Variants in RAPGEF5 observed in about 807,000 individuals in gnomAD.
RAPGEF5 encodes the protein M-Ras-regulated GEF.
A neutral mutation model predicts 125.2 loss-of-function variants in RAPGEF5; 65 were observed. That is an observed-to-expected ratio of 0.52 (90% confidence interval 0.43 to 0.64). RAPGEF5 has a LOEUF of 0.64. Among genes scored for constraint, RAPGEF5 ranks in the 30% least tolerant of loss-of-function variants. The probability of loss-of-function intolerance (pLI) is 0.00; values close to 1 mark genes in which losing one functional copy is unlikely to be tolerated. For synonymous variants in RAPGEF5, 391 were observed against 385.9 expected (o/e 1.01, Z -0.16); for missense variants, 958 against 1,048.1 (o/e 0.91, Z 1.19).
At chr7:22,271,271 T>C (rs1281372397) in intron 6 of RAPGEF5, among the ~76,000 whole-genome samples, 1 of 152,210 alleles carries the variant, frequency 6.6e-6, no homozygotes, top group African/African-American at 2.4e-5. Context: ...CCAAGATTCC[T>C]AGGTGATTCT....
At position 22,142,502 on chromosome 7, in the gene RAPGEF5, G is replaced by A. The variant is rs893248981; in HGVS notation, c.2187-2387C>T. On this transcript the variant is annotated intron_variant, in intron 20 of 25. Coordinates refer to ENST00000665637, the MANE Select transcript of RAPGEF5 (RefSeq NM_012294.5). ...CTGGTCCATATAGCTTTCTTTTTTA[G>A]TCATATTTTAAGGAAAAAAACCCAT... is the stretch of plus-strand genomic sequence containing the variant. Among the ~76,000 whole-genome samples, 10 of 151,376 alleles carry A rather than the reference G, an allele frequency of 6.6e-5. No individual in the cohort carries two copies. In the Middle Eastern group the frequency reaches 0.01, roughly 154 times the overall value.
chr7:22,231,005 GA>G, intron 7 of RAPGEF5, 86 bp from the exon 8 acceptor site: 2 of 1,269,314 alleles, frequency 1.6e-6, no homozygotes, highest in Non-Finnish European at 1.1e-6. Context: ...AATTTAGCGG[GA>G]AAAAATGTTA....
At chr7:22,141,174 AAG>A (rs1228116534) in intron 20 of RAPGEF5, among the ~76,000 whole-genome samples, 1 of 152,222 alleles carries the variant, frequency 6.6e-6, no homozygotes, top group Admixed American at 6.5e-5. Context: ...ATTTTATCAA[AAG>A]AGCATATTAC....
chr7:22,121,263 C>T lies in RAPGEF5; in HGVS notation c.*1143G>A, dbSNP rs1018340016. ...AAAAAAGGCAAATTATAGAAAGGCT[C>T]CCTGCTTTGGCTGGTAGTTGGATTA... On this transcript the variant is annotated 3_prime_UTR_variant, in exon 26 of 26. Transcript: ENST00000665637. 6.0e-5 allele frequency: 9 copies of T among 149,884 alleles called. No homozygotes were observed. The highest frequency in any genetic ancestry group is 2.2e-4 in the African/African-American group (9 of 40,668). The allele number at this position is 149,884 out of a possible 1,614,324, so 9.3% of individuals were successfully genotyped here.
chr7:22,204,880 G>T (rs2128129118), intron 9 of RAPGEF5, among the ~76,000 whole-genome samples: 1 of 152,314 alleles, frequency 6.6e-6, no homozygotes, highest in South Asian at 2.1e-4. Flanking sequence ...CAAAAAACCA[G>T]AAGGTAAAAA....
At chr7:22,303,249 G>C (rs1163214206) in intron 5 of RAPGEF5, among the ~76,000 whole-genome samples, 2 of 152,154 alleles carry the variant, frequency 1.3e-5, no homozygotes, top group Non-Finnish European at 2.9e-5. Context: ...AACTTGATTT[G>C]GCTGTCTGTT....
chr7:22,229,916 T>C (rs1583499808), intron 8 of RAPGEF5, among the ~76,000 whole-genome samples: 1 of 152,226 alleles, frequency 6.6e-6, no homozygotes, highest in Non-Finnish European at 1.5e-5. Context: ...CATCCCTCTG[T>C]ATGTCCTACA....
chr7:22,189,352 A>G (rs560966146), intron 11 of RAPGEF5, among the ~76,000 whole-genome samples: 82 of 152,198 alleles, frequency 5.4e-4, no homozygotes, highest in Non-Finnish European at 1.1e-3. Context: ...AACAGAAATC[A>G]TCGTTCACTA....
At chr7:22,224,791 T>G (rs1370610362) in intron 8 of RAPGEF5, among the ~76,000 whole-genome samples, 1 of 151,888 alleles carries the variant, frequency 6.6e-6, no homozygotes, top group South Asian at 2.1e-4. Context: ...TTGGAGACAG[T>G]CTGTCCTTCT....
chr7:22,342,462 G>T (rs140424198), intron 1 of RAPGEF5, among the ~76,000 whole-genome samples: 1 of 152,178 alleles, frequency 6.6e-6, no homozygotes, highest in African/African-American at 2.4e-5. Context: ...ATTAGGCTCC[G>T]CATTACTTAT....
chr7:22,150,183 G>C (rs1202348086), intron 18 of RAPGEF5, among the ~76,000 whole-genome samples: 2 of 147,398 alleles, frequency 1.4e-5, no homozygotes, highest in African/African-American at 5.0e-5. Flanking sequence ...GGGCTGAAGA[G>C]ATCCTCCCAC....
At position 22,135,984 on chromosome 7, in the gene RAPGEF5, T is replaced by C; in HGVS notation, c.2416+54A>G. 9 of 1,422,356 alleles carry C rather than the reference T, an allele frequency of 6.3e-6. No homozygotes were observed. In the South Asian group the frequency reaches 1.1e-4, roughly 18 times the overall value. 88.1% of individuals were successfully genotyped at this position (1,422,356 alleles called of 1,614,324 possible). On this transcript the variant is annotated intron_variant, in intron 23 of 25. Transcript: ENST00000665637. ...CCTTTTTTGCCCTCAATAGTTACAG[T>C]AATAAATTTCTGAAATATGAAATTA...
intron 6 of RAPGEF5, among the ~76,000 whole-genome samples, chr7:22,289,465 T>C (rs1782879683): frequency 6.6e-6 from 1 of 152,248 alleles, no homozygotes; most frequent in Non-Finnish European, 1.5e-5. Context: ...AGTGCTGTTG[T>C]ACAGTACAGC....
At chr7:22,190,451 C>T (rs1348690296) in intron 11 of RAPGEF5, among the ~76,000 whole-genome samples, 1 of 152,136 alleles carries the variant, frequency 6.6e-6, no homozygotes, top group Non-Finnish European at 1.5e-5. Flanking sequence ...TAGTAGGTTG[C>T]TTTTAAGCAT....
intron 3 of RAPGEF5, among the ~76,000 whole-genome samples, chr7:22,313,807 G>C (rs1446743505): frequency 1.3e-5 from 2 of 152,204 alleles, no homozygotes; most frequent in Admixed American, 6.5e-5. Flanking sequence ...GAAGTCAGAT[G>C]TTTCTAAAGG....
chr7:22,199,428 T>G (rs1164266626), intron 9 of RAPGEF5, among the ~76,000 whole-genome samples: 1 of 148,412 alleles, frequency 6.7e-6, no homozygotes, highest in Admixed American at 6.9e-5. Context: ...GGGCTCCCAG[T>G]ATATAAGCTG....
intron 11 of RAPGEF5, among the ~76,000 whole-genome samples, chr7:22,187,629 C>T (rs571379300): frequency 1.3e-5 from 2 of 152,252 alleles, no homozygotes; most frequent in South Asian, 4.1e-4. Context: ...CTGATGGTGT[C>T]CTTTTATCCA....
chr7:22,333,596 C>T (rs537436812), intron 1 of RAPGEF5, among the ~76,000 whole-genome samples: 20 of 152,148 alleles, frequency 1.3e-4, no homozygotes, highest in African/African-American at 4.8e-4. Flanking sequence ...AAGAGGGGGA[C>T]CTCTAAAAAC....
intron 5 of RAPGEF5, among the ~76,000 whole-genome samples, chr7:22,307,828 C>T (rs1783377748): frequency 6.6e-6 from 1 of 152,200 alleles, no homozygotes; most frequent in African/African-American, 2.4e-5. Flanking sequence ...AGAATCACCA[C>T]ATCATGACTC....
Sources: gnomAD v4.1 joint callset for allele counts (sites outside exome capture counted in the v4.1 genomes callset) on GRCh38, gnomAD v4.1.1 for gene constraint, MANE v1.5 for transcripts, NCBI Gene and HGNC (gene_info 2026-07-23, HGNC 2026-07-21) for gene names.